BTBD6: variants seen among roughly 807,000 people sequenced by gnomAD.
BTBD6 encodes BTB domain containing 6, also known as BTB/POZ domain-containing protein 6.
A neutral mutation model predicts 40.6 loss-of-function variants in BTBD6; 30 were observed. The observed-to-expected ratio is 0.74, with a 90% CI of 0.55 to 1.00. The LOEUF (loss-of-function observed/expected upper bound fraction) is 1.00, where lower values mean the gene tolerates loss of function less well. Among genes scored for constraint, BTBD6 ranks in the 50% least tolerant of loss-of-function variants. The pLI is 0.00. For missense variants in BTBD6, 698 were observed against 694.6 expected, an observed-to-expected ratio of 1.00 and a Z score of -0.06; for synonymous variants, 378 against 308.7, an observed-to-expected ratio of 1.22 and a Z score of -2.35.
rs2055350255 is a variant in BTBD6 at position 105,248,830 on chromosome 14, C to T, written c.119C>T (p.Ser40Phe). The T allele has an allele frequency of 6.1e-6, 6 of 988,596 alleles. No individual in the cohort carries two copies. The highest frequency in any genetic ancestry group is 7.2e-6 in the Non-Finnish European group (6 of 833,488). 61.2% of individuals were successfully genotyped at this position (988,596 alleles called of 1,614,324 possible). A position where few individuals can be genotyped will look rare whatever the true frequency, so the allele number is the denominator to read the frequency against. The change falls in exon 1 of 4, where the codon TCC becomes TTC. Residue 40 changes from serine (S) to phenylalanine (F), a missense_variant. Transcript: ENST00000392554. ...RRGARARGAA[S>F]TGAEAAPAAP... ...GGCGCGAGGGCGCGGGGCGCGGCGT[C>T]CACAGGCGCCGAGGCTGCCCCCGCC...
Position 105,249,675 on chromosome 14 carries a change from A to C in BTBD6, c.620A>C (p.Asp207Ala), listed in dbSNP as rs1223190845. ...AGTGATGAGATCGATCTGGAAGCCG[A>C]CACGGTGCTGGCCACTCTGTACGCT... ...MYSDEIDLEA[D>A]TVLATLYAAK... Residue 207 changes from aspartate to alanine, a missense_variant, in exon 4 of 4, where the codon GAC (aspartate) becomes GCC (alanine). Physicochemically the swap from Asp to Ala is moderately radical, Grantham distance 126. Transcript: ENST00000392554. 6.2e-7 allele frequency: 1 copy of C among 1,613,098 alleles called. No individual in the cohort carries two copies. Among genetic ancestry groups the C allele is most frequent in the Non-Finnish European group, 8.5e-7 (1 of 1,179,784 alleles).
rs367811650 is a variant in BTBD6 at position 105,250,576 on chromosome 14, T to C, written c.1521T>C (p.Cys507=). 66 of 1,613,924 alleles carry C rather than the reference T, an allele frequency of 4.1e-5. No individual in the cohort carries two copies. The highest frequency in any genetic ancestry group is 4.7e-5 in the Non-Finnish European group (55 of 1,180,030). Residue 507 remains cysteine, a synonymous_variant, in exon 4 of 4, where the codon TGT becomes TGC. Transcript: ENST00000392554. The stretch of plus-strand genomic sequence containing the variant: ...AGGAGGGGATGACGGAAGTGCAGTG[T>C]GGAAAGGTGGCCTTCCAGTTCCAGT... The part of the protein sequence containing the change: ...FGQEGMTEVQ[C]GKVAFQFQCS...
At position 105,250,394 on chromosome 14, in the gene BTBD6, C is replaced by T; in HGVS notation, c.1339C>T (p.Leu447Phe). ...EYSVKIELKR[L>F]GVVLAQNLTK... ...CAGCGTGAAGATTGAGCTCAAGCGG[C>T]TCGGGGTGGTTCTGGCTCAGAACTT... The change falls in exon 4 of 4, where the codon CTC (leucine) becomes TTC (phenylalanine). Residue 447 changes from leucine (L) to phenylalanine (F), a missense_variant. Physicochemically the swap from Leu to Phe is conservative, Grantham distance 22. Coordinates refer to ENST00000392554, the MANE Select transcript of BTBD6 (RefSeq NM_001387567.1). The T allele has an allele frequency of 6.2e-7, 1 of 1,613,864 alleles. No individual in the cohort carries two copies. The highest frequency in any genetic ancestry group is 8.5e-7 in the Non-Finnish European group (1 of 1,180,028).
At position 105,249,900 on chromosome 14, in the gene BTBD6, G is replaced by C. The variant is rs145825360; in HGVS notation, c.845G>C (p.Arg282Pro). Residue 282 changes from arginine (R) to proline (P), a missense_variant, in exon 4 of 4, where the codon CGG (arginine) becomes CCG (proline). Coordinates refer to ENST00000392554, the MANE Select transcript of BTBD6 (RefSeq NM_001387567.1). ...LRSEGFCEID[R>P]QTLEIIVTRE... is the part of the protein sequence containing the mutation. ...TCCGAAGGCTTCTGTGAGATAGACC[G>C]GCAGACGCTGGAGATCATTGTCACT... 1.9e-6 allele frequency: 3 copies of C among 1,611,110 alleles called. No homozygotes were observed. The highest frequency in any genetic ancestry group is 2.5e-6 in the Non-Finnish European group (3 of 1,179,992).
rs2055401587 is a variant in BTBD6 at position 105,249,161 on chromosome 14, G to A, written c.379G>A (p.Ala127Thr). The A allele has an allele frequency of 6.3e-7, 1 of 1,577,468 alleles. No homozygotes were observed. Among genetic ancestry groups the A allele is most frequent in the Admixed American group, 1.7e-5 (1 of 57,286 alleles). ...CCCGTGCCTCTACCTTTGCAGGAACGCGCTCATGTTCAACAACGAGCTCAT... is the reference window on the plus strand; with the variant it reads ...CCCGTGCCTCTACCTTTGCAGGAACACGCTCATGTTCAACAACGAGCTCAT... The part of the protein sequence containing the change: ...CCRPTLRERN[A>T]LMFNNELMAD... Residue 127 changes from alanine (A) to threonine (T), a missense_variant, in exon 2 of 4, where the codon GCG (alanine) becomes ACG (threonine). Ala to Thr is a moderately conservative substitution (Grantham distance 58). Coordinates refer to ENST00000392554, the MANE Select transcript of BTBD6 (RefSeq NM_001387567.1).
Position 105,250,748 on chromosome 14 carries a change from T to C in BTBD6, c.*76T>C, listed in dbSNP as rs1188711937. On this transcript the variant is annotated 3_prime_UTR_variant, in exon 4 of 4. Transcript: ENST00000392554. ...AGATGCTAACTGCTTCTTGACACCA[T>C]GAAAGGCTGCTCTTAACTTTGTCTC... 1 of 1,419,128 alleles carries C rather than the reference T, an allele frequency of 7.0e-7. No individual in the cohort carries two copies. Among genetic ancestry groups the C allele is most frequent in the Non-Finnish European group, 9.6e-7 (1 of 1,040,040 alleles). 87.9% of individuals were successfully genotyped at this position (1,419,128 alleles called of 1,614,324 possible).
rs1380810484 is a variant in BTBD6, at chr14:105,250,542, A to C, written c.1487A>C (p.Tyr496Ser). 1 of 1,614,108 alleles carries C rather than the reference A, an allele frequency of 6.2e-7. No homozygotes were observed. The highest frequency in any genetic ancestry group is 2.2e-5 in the East Asian group (1 of 44,894). Reference sequence around the variant, plus strand: ...GTCCTGGACGGCAGCGAACTCAGCTACTTTGGGCAGGAGGGGATGACGGAA... The same window carrying C: ...GTCCTGGACGGCAGCGAACTCAGCTCCTTTGGGCAGGAGGGGATGACGGAA... The part of the protein sequence containing the change: ...SAVLDGSELS[Y>S]FGQEGMTEVQ... Residue 496 changes from tyrosine to serine, a missense_variant, in exon 4 of 4, where the codon TAC (tyrosine) becomes TCC (serine). Physicochemically the swap from Tyr to Ser is moderately radical, Grantham distance 144. Coordinates refer to ENST00000392554, the MANE Select transcript of BTBD6 (RefSeq NM_001387567.1).
rs372951613 is a variant in BTBD6 at position 105,249,348 on chromosome 14, T to G, written c.466-12T>G. On this transcript the variant is annotated splice_polypyrimidine_tract_variant and intron_variant, in intron 2 of 3. Transcript: ENST00000392554. ...GGAGAGCCAGGCTCACGGCGGCGCT[T>G]TCTCCTCCCAGTACGTCTTGGCTGT... The G allele has an allele frequency of 6.4e-5, 103 of 1,608,452 alleles. No homozygotes were observed. The African/African-American group carries it at 9.9e-4, about 15-fold the overall frequency.
Position 105,249,261 on chromosome 14 carries a change from G to T in BTBD6, c.465+14G>T. Reference sequence around the variant, plus strand: ...CCCGCCCACAAGGTGGGTAGCGGCGGCCCCTCTCGGAACGCGTGCCCCGTC... The same window carrying T: ...CCCGCCCACAAGGTGGGTAGCGGCGTCCCCTCTCGGAACGCGTGCCCCGTC... On this transcript the variant is annotated intron_variant, in intron 2 of 3. Transcript: ENST00000392554. The T allele has an allele frequency of 6.4e-7, 1 of 1,564,196 alleles. No homozygotes were observed.
rs1595377599 is a variant in BTBD6, at chr14:105,248,573, G to T, written c.-139G>T. ...GGCGCCGCGGCGGGTACGGGCTCGG[G>T]CGGGCGGGCGGGCGGGACGGCGCCC... On this transcript the variant is annotated 5_prime_UTR_variant, in exon 1 of 4. Transcript: ENST00000392554. 9 of 272,610 alleles carry T rather than the reference G, an allele frequency of 3.3e-5. No homozygotes were observed. The highest frequency in any genetic ancestry group is 4.0e-5 in the Non-Finnish European group (9 of 222,820). The allele number at this position is 272,610 out of a possible 1,614,324, so 16.9% of individuals were successfully genotyped here.
chr14:105,249,337 ACGG>A lies in BTBD6; in HGVS notation c.466-17_466-15del. ...CGCAGCCTGCGGGAGAGCCAGGCTC[ACGG>A]CGGCGCTTTCTCCTCCCAGTACGTC... On this transcript the variant is annotated intron_variant, in intron 2 of 3. Transcript: ENST00000392554. The A allele has an allele frequency of 6.2e-7, 1 of 1,603,426 alleles. No homozygotes were observed. Among genetic ancestry groups the A allele is most frequent in the Non-Finnish European group, 8.5e-7 (1 of 1,175,538 alleles).
intron 1 of BTBD6, 29 bp from the exon 2 acceptor site, chr14:105,249,128 G>T (rs1309475357): frequency 3.3e-6 from 5 of 1,525,084 alleles, no homozygotes; most frequent in Non-Finnish European, 4.4e-6. Flanking sequence ...GCGCGCCCAC[G>T]CCCCCAGCCC....
chr14:105,249,342 G>A lies in BTBD6; in HGVS notation c.466-18G>A, dbSNP rs760954961. The A allele has an allele frequency of 4.0e-5, 64 of 1,605,602 alleles. 1 individual carries two copies. In the South Asian group the frequency reaches 5.5e-4, roughly 14 times the overall value. ...CCTGCGGGAGAGCCAGGCTCACGGCGGCGCTTTCTCCTCCCAGTACGTCTT... is the reference window on the plus strand; with the variant it reads ...CCTGCGGGAGAGCCAGGCTCACGGCAGCGCTTTCTCCTCCCAGTACGTCTT... On this transcript the variant is annotated intron_variant, in intron 2 of 3. Coordinates refer to ENST00000392554, the MANE Select transcript of BTBD6 (RefSeq NM_001387567.1).
At position 105,249,987 on chromosome 14, in the gene BTBD6, C is replaced by T. The variant is rs763270439; in HGVS notation, c.932C>T (p.Ala311Val). 10 of 1,612,494 alleles carry T rather than the reference C, an allele frequency of 6.2e-6. No individual in the cohort carries two copies. In the East Asian group the frequency reaches 8.9e-5, roughly 14 times the overall value. The change falls in exon 4 of 4, where the codon GCG becomes GTG. Residue 311 changes from alanine to valine, a missense_variant. Ala to Val is a moderately conservative substitution (Grantham distance 64). Transcript: ENST00000392554. ...VFEAVLNWAE[A>V]ECKRQGLPIT... is the part of the protein sequence containing the mutation. The stretch of plus-strand genomic sequence containing the variant: ...GAGGCCGTCCTGAACTGGGCCGAGG[C>T]GGAGTGCAAGAGGCAGGGGCTGCCA...
Position 105,250,207 on chromosome 14 carries a change from G to A in BTBD6, c.1152G>A (p.Lys384=), listed in dbSNP as rs758054240. ...TGGACTTTCCCCTGACCAAGAGGAA[G>A]GGCCTCGCCCCGCAGAGGTGCCACC... is the stretch of plus-strand genomic sequence containing the variant. The part of the protein sequence containing the change: ...PRLDFPLTKR[K]GLAPQRCHRF... Residue 384 remains lysine (K), a synonymous_variant, in exon 4 of 4, where the codon AAG becomes AAA. Transcript: ENST00000392554. 5 of 1,612,850 alleles carry A rather than the reference G, an allele frequency of 3.1e-6. No homozygotes were observed. The highest frequency in any genetic ancestry group is 3.3e-5 in the Admixed American group (2 of 60,012).
rs1333018026 is a variant in BTBD6 at position 105,249,232 on chromosome 14, G to A, written c.450G>A (p.Thr150=). The A allele has an allele frequency of 1.3e-6, 2 of 1,583,836 alleles. No homozygotes were observed. The highest frequency in any genetic ancestry group is 1.7e-5 in the Admixed American group (1 of 57,564). ...FVVGPPGATR[T]VPAHKYVLAV... Reference sequence around the variant, plus strand: ...TGGGGCCCCCGGGGGCGACCAGGACGGTGCCCGCCCACAAGGTGGGTAGCG... The same window carrying A: ...TGGGGCCCCCGGGGGCGACCAGGACAGTGCCCGCCCACAAGGTGGGTAGCG... Residue 150 remains threonine, a synonymous_variant, in exon 2 of 4, where the codon ACG becomes ACA. Transcript: ENST00000392554.
chr14:105,249,704 A>G lies in BTBD6; in HGVS notation c.649A>G (p.Lys217Glu), dbSNP rs772458670. The G allele has an allele frequency of 1.2e-6, 2 of 1,613,668 alleles. No homozygotes were observed. The highest frequency in any genetic ancestry group is 1.3e-5 in the African/African-American group (1 of 74,946). Residue 217 changes from lysine (K) to glutamate (E), a missense_variant, in exon 4 of 4, where the codon AAG becomes GAG. By Grantham distance (56) the Lys-to-Glu change is moderately conservative (BLOSUM62 1). Transcript: ENST00000392554. ...DTVLATLYAA[K>E]KYIVPALAKA... ...GGTGCTGGCCACTCTGTACGCTGCTAAGAAGTACATCGTCCCAGCATTGGC... is the reference window on the plus strand; with the variant it reads ...GGTGCTGGCCACTCTGTACGCTGCTGAGAAGTACATCGTCCCAGCATTGGC...
rs2055360642 is a variant in BTBD6, at chr14:105,248,931, G to A, written c.220G>A (p.Ala74Thr). 1 of 984,194 alleles carries A rather than the reference G, an allele frequency of 1.0e-6. No homozygotes were observed. Among genetic ancestry groups the A allele is most frequent in the African/African-American group, 1.8e-5 (1 of 56,416 alleles). The allele number at this position is 984,194 out of a possible 1,614,324, so 61.0% of individuals were successfully genotyped here. Reference sequence around the variant, plus strand: ...GGCCGCGGACCTAGCCAACAGCAACGCCGGCGCCGCCGTGGGCAGGAAGGC... The same window carrying A: ...GGCCGCGGACCTAGCCAACAGCAACACCGGCGCCGCCGTGGGCAGGAAGGC... Reference protein sequence around the residue: ...AAAADLANSNAGAAVGRKAGP... With the variant: ...AAAADLANSNTGAAVGRKAGP... Residue 74 changes from alanine (A) to threonine (T), a missense_variant, in exon 1 of 4, where the codon GCC becomes ACC. Transcript: ENST00000392554.
rs747907395 is a variant in BTBD6, at chr14:105,249,437, C to T, written c.543C>T (p.His181=). ...TGGCGGAAGTCAAATCTGAAATTCA[C>T]ATTCCAGACGTGGAGCCCGCAGCCT... ...GDLAEVKSEI[H]IPDVEPAAFL... is the part of the protein sequence containing the mutation. The change falls in exon 3 of 4, where the codon CAC becomes CAT. Residue 181 remains histidine, a synonymous_variant. Transcript: ENST00000392554. 5 of 1,613,444 alleles carry T rather than the reference C, an allele frequency of 3.1e-6. No homozygotes were observed. The highest frequency in any genetic ancestry group is 2.2e-5 in the East Asian group (1 of 44,876).
Sources: gnomAD v4.1 joint callset for allele counts on GRCh38, gnomAD v4.1.1 for gene constraint, MANE v1.5 for transcripts, NCBI Gene and HGNC (gene_info 2026-07-23, HGNC 2026-07-21) for gene names.